KLHL23: variants seen among roughly 807,000 people sequenced by gnomAD.
KLHL23 encodes kelch like family member 23.
In KLHL23, 33 loss-of-function variants were observed where a neutral mutation model predicts 48.9. The observed-to-expected ratio is 0.67, with a 90% CI of 0.51 to 0.90. KLHL23 has a LOEUF of 0.90. Among genes scored for constraint, KLHL23 ranks in the 40% least tolerant of loss-of-function variants. The probability of loss-of-function intolerance (pLI) is 0.00; values close to 1 mark genes in which losing one functional copy is unlikely to be tolerated. For synonymous variants in KLHL23, 234 were observed against 231.6 expected (o/e 1.01, Z -0.09); for missense variants, 608 against 669.6 (o/e 0.91, Z 1.02).
rs1188814746 is a variant in KLHL23 at position 169,735,843 on chromosome 2, A to G, written c.829A>G (p.Ile277Val). The G allele has an allele frequency of 2.5e-6, 4 of 1,614,152 alleles. No homozygotes were observed. Among genetic ancestry groups the G allele is most frequent in the Admixed American group, 3.3e-5 (2 of 60,018 alleles). ...ISQRSTATMY[I>V]IGGYYWHPLS... ...CCAGAGGTCCACAGCCACAATGTAT[A>G]TAATTGGAGGCTATTACTGGCATCC... Residue 277 changes from isoleucine to valine, a missense_variant, in exon 2 of 4, where the codon ATA becomes GTA. This residue lies in a region of KLHL23 where 419 missense variants were observed against 473.1 expected (regional missense o/e 0.89). Coordinates refer to ENST00000392647, the MANE Select transcript of KLHL23 (RefSeq NM_144711.6). This position sits in a 1 kb window ranked among gnomAD's most constrained non-coding sequence, Gnocchi z 4.5.
intron 2 of KLHL23, among the ~76,000 whole-genome samples, chr2:169,740,746 CCT>C (rs1688654233): frequency 8.2e-6 from 1 of 122,434 alleles, no homozygotes; most frequent in African/African-American, 3.0e-5. Flanking sequence ...CTGCGCCCGG[CCT>C]CTATAAGCTT....
At chr2:169,747,585 C>T (rs2105657172) in intron 3 of KLHL23, among the ~76,000 whole-genome samples, 1 of 151,698 alleles carries the variant, frequency 6.6e-6, no homozygotes, top group South Asian at 2.1e-4. Flanking sequence ...TACAGGTGTG[C>T]ACCACCACAT....
rs1430989317 is a variant in KLHL23, at chr2:169,735,654, A to T, written c.640A>T (p.Asn214Tyr). Residue 214 changes from asparagine to tyrosine, a missense_variant, in exon 2 of 4, where the codon AAT becomes TAT. By Grantham distance (143) the Asn-to-Tyr change is moderately radical. Coordinates refer to ENST00000392647, the MANE Select transcript of KLHL23 (RefSeq NM_144711.6). This position sits in a 1 kb window ranked among gnomAD's most constrained non-coding sequence, Gnocchi z 4.5. ...VIKWTAHDVENRIECLYNLLS... is the reference protein window; with the variant it reads ...VIKWTAHDVEYRIECLYNLLS... ...TAAGTGGACTGCTCATGATGTAGAAAATCGAATTGAATGCCTCTATAATCT... is the reference window on the plus strand; with the variant it reads ...TAAGTGGACTGCTCATGATGTAGAATATCGAATTGAATGCCTCTATAATCT... The T allele has an allele frequency of 1.2e-6, 2 of 1,614,068 alleles. No individual in the cohort carries two copies. Among genetic ancestry groups the T allele is most frequent in the Non-Finnish European group, 1.7e-6 (2 of 1,180,026 alleles).
Position 169,749,788 on chromosome 2 carries a change from AAAG to A in KLHL23, c.*59_*61del. On this transcript the variant is annotated 3_prime_UTR_variant, in exon 4 of 4. Coordinates refer to ENST00000392647, the MANE Select transcript of KLHL23 (RefSeq NM_144711.6). ...TTTTTTGGAGTATAGTTTTATAAAAAAAGAATGCAGGGTTTGAAGTTCCTTACC... is the reference window on the plus strand; with the variant it reads ...TTTTTTGGAGTATAGTTTTATAAAAAAATGCAGGGTTTGAAGTTCCTTACC... 7 of 1,524,038 alleles carry A rather than the reference AAAG, an allele frequency of 4.6e-6. No homozygotes were observed. Among genetic ancestry groups the A allele is most frequent in the Non-Finnish European group, 6.2e-6 (7 of 1,134,298 alleles). 94.4% of individuals were successfully genotyped at this position (1,524,038 alleles called of 1,614,324 possible). A position where few individuals can be genotyped will look rare whatever the true frequency, so the allele number is the denominator to read the frequency against.
chr2:169,740,051 T>G (rs1688635840), intron 2 of KLHL23, among the ~76,000 whole-genome samples: 1 of 152,312 alleles, frequency 6.6e-6, no homozygotes, highest in South Asian at 2.1e-4. Context: ...GTTGTTCTGG[T>G]TGAGTCGGTG....
Position 169,749,815 on chromosome 2 carries a change from C to A in KLHL23, c.*83C>A. On this transcript the variant is annotated 3_prime_UTR_variant, in exon 4 of 4. Coordinates refer to ENST00000392647, the MANE Select transcript of KLHL23 (RefSeq NM_144711.6). ...AGAATGCAGGGTTTGAAGTTCCTTA[C>A]CTGATAATTGTGTCTGGCACATGAT... The A allele has an allele frequency of 6.8e-7, 1 of 1,480,036 alleles. No homozygotes were observed. The highest frequency in any genetic ancestry group is 9.1e-7 in the Non-Finnish European group (1 of 1,101,858). The allele number at this position is 1,480,036 out of a possible 1,614,324, so 91.7% of individuals were successfully genotyped here. A position where few individuals can be genotyped will look rare whatever the true frequency, so the allele number is the denominator to read the frequency against.
chr2:169,736,537 G>A (rs1688522297), intron 2 of KLHL23, among the ~76,000 whole-genome samples: 1 of 151,994 alleles, frequency 6.6e-6, no homozygotes, highest in Admixed American at 6.6e-5. Flanking sequence ...CTCAAAATAC[G>A]CTGATCAGCT....
At position 169,749,642 on chromosome 2, in the gene KLHL23, A is replaced by G; in HGVS notation, c.1587A>G (p.Lys529=). Residue 529 remains lysine (K), a synonymous_variant, in exon 4 of 4, where the codon AAA becomes AAG. Coordinates refer to ENST00000392647, the MANE Select transcript of KLHL23 (RefSeq NM_144711.6). ...SKGTYLQSIE[K]YDPDLNKWEI... ...GAACGTATCTTCAGAGCATTGAGAAATATGATCCAGATCTTAATAAGTGGG... is the reference window on the plus strand; with the variant it reads ...GAACGTATCTTCAGAGCATTGAGAAGTATGATCCAGATCTTAATAAGTGGG... 1 of 1,614,118 alleles carries G rather than the reference A, an allele frequency of 6.2e-7. No individual in the cohort carries two copies.
chr2:169,748,266 C>T (rs1688843959), intron 3 of KLHL23, among the ~76,000 whole-genome samples: 1 of 152,174 alleles, frequency 6.6e-6, no homozygotes, highest in African/African-American at 2.4e-5. Context: ...GAGAGTAAGA[C>T]AAGACCGGAA....
At chr2:169,749,382 C>T in intron 3 of KLHL23, 40 bp from the exon 4 acceptor site, 20 of 1,509,240 alleles carry the variant, frequency 1.3e-5, no homozygotes, top group Non-Finnish European at 1.7e-5. Context: ...TGTTTGTTAT[C>T]CTTTAAAAAA....
At chr2:169,737,508 A>G (rs1262149098) in intron 2 of KLHL23, among the ~76,000 whole-genome samples, 3 of 152,124 alleles carry the variant, frequency 2.0e-5, no homozygotes, top group African/African-American at 2.4e-5. Flanking sequence ...AGAAAAGTCC[A>G]TATATTTAAG....
chr2:169,741,634 T>A (rs1688678106), intron 3 of KLHL23, 97 bp downstream of exon 3: 1 of 1,401,704 alleles, frequency 7.1e-7, no homozygotes, highest in East Asian at 2.4e-5. Flanking sequence ...ATGCTGATTT[T>A]ATTGTAGACT....
intron 3 of KLHL23, among the ~76,000 whole-genome samples, chr2:169,744,378 A>C (rs1688744732): frequency 6.6e-6 from 1 of 152,144 alleles, no homozygotes; most frequent in Non-Finnish European, 1.5e-5. Context: ...GTAGTTTTTG[A>C]GGAAGGGTTT....
intron 2 of KLHL23, among the ~76,000 whole-genome samples, chr2:169,739,738 GA>G (rs1688628900): frequency 6.6e-6 from 1 of 152,158 alleles, no homozygotes; most frequent in African/African-American, 2.4e-5. Context: ...TAACAATGGG[GA>G]TATGTTCTGA....
intron 2 of KLHL23, 170 bp from the exon 3 acceptor site, chr2:169,741,215 A>T: frequency 1.3e-6 from 1 of 762,774 alleles, no homozygotes; most frequent in Non-Finnish European, 1.9e-6. Flanking sequence ...ACCCTCTCTT[A>T]AGAGCACAAA....
At chr2:169,745,664 C>T (rs1227813008) in intron 3 of KLHL23, among the ~76,000 whole-genome samples, 4 of 151,790 alleles carry the variant, frequency 2.6e-5, no homozygotes, top group Admixed American at 6.6e-5. Context: ...AAAGAGGGGC[C>T]GATGTGAGGA....
In KLHL23 at chr2:169,735,048, C is replaced by A. The variant is rs201438379; in HGVS notation, c.34C>A (p.Leu12Ile). 6.4e-7 allele frequency: 1 copy of A among 1,573,908 alleles called. No individual in the cohort carries two copies. Among genetic ancestry groups the A allele is most frequent in the East Asian group, 2.2e-5 (1 of 44,488 alleles). ...AAAAGGACAAGAAGATTATATTTAT[C>A]TTTTCAAGGATTCAACACATCCAGT... Reference protein sequence around the residue: ...ALKGQEDYIYLFKDSTHPVDF... With the variant: ...ALKGQEDYIYIFKDSTHPVDF... Residue 12 changes from leucine to isoleucine, a missense_variant, in exon 2 of 4, where the codon CTT (leucine) becomes ATT (isoleucine). By Grantham distance (5) the Leu-to-Ile change is conservative. Transcript: ENST00000392647. The surrounding 1 kb of genome is among the most constrained non-coding windows in gnomAD (Gnocchi z 4.5).
Position 169,751,288 on chromosome 2 carries a change from T to A in KLHL23, c.*1556T>A, listed in dbSNP as rs1035182374. 4 of 152,176 alleles carry A rather than the reference T, an allele frequency of 2.6e-5. No homozygotes were observed. The highest frequency in any genetic ancestry group is 7.2e-5 in the African/African-American group (3 of 41,396). The allele number at this position is 152,176 out of a possible 1,614,324, so 9.4% of individuals were successfully genotyped here. A position where few individuals can be genotyped will look rare whatever the true frequency, so the allele number is the denominator to read the frequency against. The stretch of plus-strand genomic sequence containing the variant: ...CATCTATTCCACACTCTTCATTTTT[T>A]AAAAAGAGACAATAATTATTTTTAA... On this transcript the variant is annotated 3_prime_UTR_variant, in exon 4 of 4. Transcript: ENST00000392647.
At chr2:169,736,495 C>T (rs1044714181) in intron 2 of KLHL23, among the ~76,000 whole-genome samples, 8 of 152,094 alleles carry the variant, frequency 5.3e-5, no homozygotes, top group African/African-American at 1.9e-4. Context: ...TAAAATTGAA[C>T]CCTTTAAAAT....
Sources: gnomAD v4.1 joint callset for allele counts (sites outside exome capture counted in the v4.1 genomes callset) on GRCh38, gnomAD v4.1.1 for gene constraint, gnomAD v4.1.1 regional missense constraint, Gnocchi (gnomAD v3.1) non-coding constraint, MANE v1.5 for transcripts, NCBI Gene and HGNC (gene_info 2026-07-23, HGNC 2026-07-21) for gene names.